The following PTPRD variants were observed in gnomAD, a reference collection of about 807,000 sequenced individuals.
The protein encoded by PTPRD is receptor-type tyrosine-protein phosphatase delta.
Under a neutral mutation model 214.5 loss-of-function variants are expected in PTPRD, and 34 were observed. The observed-to-expected ratio is 0.16, with a 90% confidence interval of 0.12 to 0.21. PTPRD has a LOEUF of 0.21. Ranked by LOEUF, PTPRD falls within the 10% of genes least tolerant of loss-of-function variation. PTPRD has a pLI of 1.00. For missense variants in PTPRD, 2,545 were observed against 2,398.7 expected, an observed-to-expected ratio of 1.06 and a Z score of -1.27; for synonymous variants, 1,128 against 845.7, an observed-to-expected ratio of 1.33 and a Z score of -5.79.
chr9:9,722,513 T>A (rs1309670405), intron 7 of PTPRD, among the ~76,000 whole-genome samples: 1 of 152,110 alleles, frequency 6.6e-6, no homozygotes, highest in Admixed American at 6.5e-5. Flanking sequence ...CTGTTATGAA[T>A]AATGTTCCTC....
At chr9:10,298,243 C>G (rs1302810715) in intron 3 of PTPRD, among the ~76,000 whole-genome samples, 1 of 151,960 alleles carries the variant, frequency 6.6e-6, no homozygotes, top group Non-Finnish European at 1.5e-5. Flanking sequence ...TGCTTGTTCC[C>G]TAAAATAGAA....
intron 14 of PTPRD, among the ~76,000 whole-genome samples, chr9:8,567,679 G>A (rs981292077): frequency 1.3e-5 from 2 of 152,090 alleles, no homozygotes; most frequent in African/African-American, 4.8e-5. Flanking sequence ...AGTAAATTCA[G>A]TATTTTTGGT....
chr9:9,400,328 G>C (rs928513214), intron 8 of PTPRD, among the ~76,000 whole-genome samples: 1 of 151,878 alleles, frequency 6.6e-6, no homozygotes, highest in Non-Finnish European at 1.5e-5. Context: ...TCTCCCCAGA[G>C]AGAAATATAA....
intron 3 of PTPRD, among the ~76,000 whole-genome samples, chr9:10,283,378 A>G (rs556043089): frequency 1.3e-5 from 2 of 152,264 alleles, no homozygotes; most frequent in East Asian, 3.9e-4. Flanking sequence ...GGCAAAGACA[A>G]TGTTTTTGCT....
At chr9:9,775,343 T>C (rs1390339382) in intron 5 of PTPRD, among the ~76,000 whole-genome samples, 1 of 152,206 alleles carries the variant, frequency 6.6e-6, no homozygotes, top group Non-Finnish European at 1.5e-5. Context: ...ATCTACGGGT[T>C]TTAAGAAGGA....
intron 10 of PTPRD, among the ~76,000 whole-genome samples, chr9:9,080,076 A>C (rs2099756891): frequency 6.6e-6 from 1 of 152,078 alleles, no homozygotes. Flanking sequence ...AATTTAGTCA[A>C]ATCATAACCC....
chr9:9,751,689 GAATGATATATCTACT>G (rs1234322547), intron 6 of PTPRD, among the ~76,000 whole-genome samples: 1 of 152,046 alleles, frequency 6.6e-6, no homozygotes, highest in Non-Finnish European at 1.5e-5. Flanking sequence ...ACAGAGATTG[GAATGATATATCTACT>G]AGTCAAGGAG....
chr9:10,244,919 T>C (rs1227773013), intron 3 of PTPRD, among the ~76,000 whole-genome samples: 6 of 152,140 alleles, frequency 3.9e-5, no homozygotes. Flanking sequence ...TGAGAGCTTA[T>C]TACACAATTT....
At chr9:9,298,834 GA>G (rs984693502) in intron 9 of PTPRD, among the ~76,000 whole-genome samples, 13 of 151,638 alleles carry the variant, frequency 8.6e-5, no homozygotes, top group African/African-American at 2.9e-4. Flanking sequence ...TTGTATATAA[GA>G]AAAAGTTATA....
At position 9,788,695 on chromosome 9, in the gene PTPRD, A is replaced by G. The variant is rs116771388; in HGVS notation, c.-367-21844T>C. 4.6e-3 allele frequency among the ~76,000 whole-genome samples: 696 copies of G among 152,326 alleles called. 3 individuals carry two copies. Among genetic ancestry groups the G allele is most frequent in the African/African-American group, 0.016 (657 of 41,578 alleles). ...AAAAATGTTTAAAGGGGGAGAAGTA[A>G]AAAGAAAAGCCCAAATAGCCACCAG... On this transcript the variant is annotated intron_variant, in intron 5 of 45. Coordinates refer to ENST00000381196, the MANE Select transcript of PTPRD (RefSeq NM_002839.4).
At chr9:10,152,274 A>G (rs1564160145) in intron 3 of PTPRD, among the ~76,000 whole-genome samples, 1 of 152,188 alleles carries the variant, frequency 6.6e-6, no homozygotes, top group Non-Finnish European at 1.5e-5. Flanking sequence ...CTAGTGAAAA[A>G]TAATTTTGAA....
At chr9:10,464,035 G>A (rs2098976741) in intron 2 of PTPRD, among the ~76,000 whole-genome samples, 1 of 151,666 alleles carries the variant, frequency 6.6e-6, no homozygotes, top group South Asian at 2.1e-4. Context: ...TTAGCATAAA[G>A]TATAAGTACA....
At chr9:8,681,146 T>G (rs754802844) in intron 12 of PTPRD, among the ~76,000 whole-genome samples, 2 of 152,178 alleles carry the variant, frequency 1.3e-5, no homozygotes, top group Admixed American at 1.3e-4. Flanking sequence ...TCACGCCTCA[T>G]GCCAACACAT....
chr9:10,562,920 C>A (rs2131590683), intron 2 of PTPRD, among the ~76,000 whole-genome samples: 2 of 152,094 alleles, frequency 1.3e-5, no homozygotes, highest in Middle Eastern at 6.8e-3. Context: ...AGATACCCAG[C>A]CATGATTGTT....
chr9:10,082,837 AC>A (rs1289351242), intron 3 of PTPRD, among the ~76,000 whole-genome samples: 5 of 138,288 alleles, frequency 3.6e-5, no homozygotes, highest in Admixed American at 2.8e-4. Flanking sequence ...ACACACACAC[AC>A]AAACACACAC....
intron 9 of PTPRD, among the ~76,000 whole-genome samples, chr9:9,231,186 T>G (rs1403123419): frequency 6.6e-6 from 1 of 152,146 alleles, no homozygotes. Context: ...TTTTAAAAGA[T>G]AGTCTCAGTA....
chr9:9,453,418 T>C (rs2092542923), intron 8 of PTPRD, among the ~76,000 whole-genome samples: 1 of 151,700 alleles, frequency 6.6e-6, no homozygotes, highest in Non-Finnish European at 1.5e-5. Flanking sequence ...AAAATATTTT[T>C]TACCACATCA....
At chr9:9,083,857 C>A (rs926356487) in intron 10 of PTPRD, among the ~76,000 whole-genome samples, 6 of 152,102 alleles carry the variant, frequency 3.9e-5, no homozygotes, top group East Asian at 1.9e-4. Context: ...AACAAGACAC[C>A]ATCTCACACC....
intron 9 of PTPRD, among the ~76,000 whole-genome samples, chr9:9,372,895 T>C (rs888493269): frequency 7.2e-5 from 11 of 151,922 alleles, no homozygotes; most frequent in Non-Finnish European, 1.3e-4. Flanking sequence ...TGGATATCTT[T>C]TCAAGTGGAA....
Sources: allele counts gnomAD v4.1 joint callset (sites outside exome capture counted in the v4.1 genomes callset), GRCh38; gene constraint gnomAD v4.1.1; transcripts MANE v1.5; gene names NCBI Gene and HGNC (gene_info 2026-07-23, HGNC 2026-07-21).